The following PCDHGA12 variants were observed in gnomAD, a reference collection of about 807,000 sequenced individuals.
The protein encoded by PCDHGA12 is protocadherin gamma-A12.
A neutral mutation model predicts 61.1 loss-of-function variants in PCDHGA12; 43 were observed. The ratio of observed to expected loss-of-function variants is 0.70; its 90% CI spans 0.55 to 0.91. The LOEUF is 0.91. PCDHGA12 is among the 40% of genes least tolerant of loss of function. PCDHGA12 has a pLI of 0.00. For missense variants in PCDHGA12, 1,236 were observed against 1,227.7 expected (o/e 1.01, Z -0.10); for synonymous variants, 520 against 542.9 (o/e 0.96, Z 0.59).
chr5:141,455,856 TTTTATTA>T (rs1315325745), intron 1 of PCDHGA12, among the ~76,000 whole-genome samples: 1 of 146,240 alleles, frequency 6.8e-6, no homozygotes, highest in East Asian at 2.0e-4. Flanking sequence ...AAATAATTTC[TTTTATTA>T]TTTATTTATT....
intron 1 of PCDHGA12, among the ~76,000 whole-genome samples, chr5:141,444,312 C>G (rs2098431691): frequency 6.6e-6 from 1 of 151,856 alleles, no homozygotes; most frequent in Non-Finnish European, 1.5e-5. Flanking sequence ...GCTAGGATTA[C>G]AGGCATGTGC....
At chr5:141,460,483 C>G (rs2098990314) in intron 1 of PCDHGA12, among the ~76,000 whole-genome samples, 1 of 152,046 alleles carries the variant, frequency 6.6e-6, no homozygotes, top group African/African-American at 2.4e-5. Flanking sequence ...ATCCAATTGT[C>G]TCTTTGGAAA....
chr5:141,494,677 TGCCCCCTCTTA>T, intron 1 of PCDHGA12, 119 bp from the exon 2 acceptor site: 5 of 1,552,906 alleles, frequency 3.2e-6, no homozygotes, highest in Non-Finnish European at 4.4e-6. Flanking sequence ...AGTCCACCCC[TGCCCCCTCTTA>T]GTCCGTTTTC....
intron 3 of PCDHGA12, among the ~76,000 whole-genome samples, chr5:141,510,531 T>C (rs1459536719): frequency 6.6e-6 from 1 of 152,078 alleles, no homozygotes; most frequent in Non-Finnish European, 1.5e-5. Context: ...CTGAGAGAAA[T>C]ACCAGCGAAT....
chr5:141,454,172 C>T (rs1001368287), intron 1 of PCDHGA12, among the ~76,000 whole-genome samples: 4 of 152,126 alleles, frequency 2.6e-5, no homozygotes, highest in Non-Finnish European at 5.9e-5. Context: ...TCTAGAAGGG[C>T]AGCTAAAGGA....
In PCDHGA12 at chr5:141,486,680, T is replaced by A; in HGVS notation, c.2425-8127T>A. The A allele has an allele frequency of 6.2e-7, 1 of 1,614,102 alleles. No homozygotes were observed. Among genetic ancestry groups the A allele is most frequent in the Non-Finnish European group, 8.5e-7 (1 of 1,180,018 alleles). ...CCTGGAGCCCAGGAATCGAGATGTA[T>A]CAGCTTCCTCTTTCATCTCTCTGAA... is the stretch of plus-strand genomic sequence containing the variant. On this transcript the variant is annotated intron_variant, in intron 1 of 3. Coordinates refer to ENST00000252085, the MANE Select transcript of PCDHGA12 (RefSeq NM_003735.3). This position sits in a 1 kb window ranked among gnomAD's most constrained non-coding sequence, Gnocchi z 5.0.
rs749347013 is a variant in PCDHGA12, at chr5:141,476,739, C to G, written c.2425-18068C>G. 6.2e-7 allele frequency: 1 copy of G among 1,614,068 alleles called. No individual in the cohort carries two copies. Among genetic ancestry groups the G allele is most frequent in the South Asian group, 1.1e-5 (1 of 91,088 alleles). On this transcript the variant is annotated intron_variant, in intron 1 of 3. Transcript: ENST00000252085. The surrounding 1 kb of genome is among the most constrained non-coding windows in gnomAD (Gnocchi z 7.6). Reference sequence around the variant, plus strand: ...CGCGCCCTGGACCGAGAACGGGAGCCTAGTCTCCAGTTAGTGCTGACGGCG... The same window carrying G: ...CGCGCCCTGGACCGAGAACGGGAGCGTAGTCTCCAGTTAGTGCTGACGGCG...
At chr5:141,475,980 C>T (rs758066578) in intron 1 of PCDHGA12, 45 of 1,028,498 alleles carry the variant, frequency 4.4e-5, no homozygotes, top group Non-Finnish European at 6.2e-5. Flanking sequence ...ACTGAACAGC[C>T]GGCGAGCAAA....
rs374181150 is a variant in PCDHGA12, at chr5:141,477,134, G to C, written c.2425-17673G>C. The C allele has an allele frequency of 2.5e-5, 41 of 1,614,092 alleles. No homozygotes were observed. Among genetic ancestry groups the C allele is most frequent in the Non-Finnish European group, 3.4e-5 (40 of 1,180,056 alleles). ...CGAAGGAGCACATTGCAAAGTGTTG[G>C]TGGAGGTTGTGGATGTGAATGACAA... is the stretch of plus-strand genomic sequence containing the variant. On this transcript the variant is annotated intron_variant, in intron 1 of 3. Coordinates refer to ENST00000252085, the MANE Select transcript of PCDHGA12 (RefSeq NM_003735.3). The surrounding 1 kb of genome is among the most constrained non-coding windows in gnomAD (Gnocchi z 4.9).
chr5:141,478,497 CGGTGTTCTATAGGCA>C, intron 1 of PCDHGA12: 1 of 1,612,820 alleles, frequency 6.2e-7, no homozygotes, highest in South Asian at 1.1e-5. Flanking sequence ...AGCTGTGATC[CGGTGTTCTATAGGCA>C]GGTGTTGGGT....
In PCDHGA12 at chr5:141,489,071, CA is replaced by C; in HGVS notation, c.2425-5735del. 3.1e-6 allele frequency: 1 copy of C among 326,700 alleles called. No homozygotes were observed. Among genetic ancestry groups the C allele is most frequent in the East Asian group, 5.9e-5 (1 of 17,012 alleles). 20.2% of individuals were successfully genotyped at this position (326,700 alleles called of 1,614,324 possible). A position where few individuals can be genotyped will look rare whatever the true frequency, so the allele number is the denominator to read the frequency against. On this transcript the variant is annotated intron_variant, in intron 1 of 3. Transcript: ENST00000252085. This position sits in a 1 kb window ranked among gnomAD's most constrained non-coding sequence, Gnocchi z 4.5. Reference sequence around the variant, plus strand: ...AAATTCAGCTCCCCTCCCCCCTGCCCACCCCCGCCACTCGGTGACTAAGAAC... The same window carrying C: ...AAATTCAGCTCCCCTCCCCCCTGCCCCCCCCGCCACTCGGTGACTAAGAAC...
Position 141,432,058 on chromosome 5 carries a change from C to T in PCDHGA12, c.1299C>T (p.Ser433=), listed in dbSNP as rs2097444209. Residue 433 remains serine (S), a synonymous_variant, in exon 1 of 4, where the codon TCC becomes TCT. Coordinates refer to ENST00000252085, the MANE Select transcript of PCDHGA12 (RefSeq NM_003735.3). The surrounding 1 kb of genome is among the most constrained non-coding windows in gnomAD (Gnocchi z 6.0). ...CTGACCGGGGAACCCCGCCCCTATC[C>T]ACGGAAACTCATATCTCGCTGAACG... ...TATDRGTPPL[S]TETHISLNVA... 1 of 1,614,210 alleles carries T rather than the reference C, an allele frequency of 6.2e-7. No individual in the cohort carries two copies.
chr5:141,468,348 A>C (rs962230735), intron 1 of PCDHGA12: 2 of 150,318 alleles, frequency 1.3e-5, no homozygotes, highest in African/African-American at 4.9e-5. Context: ...AAAAAAAAAA[A>C]AGAAAGAAAA....
chr5:141,486,153 C>A lies in PCDHGA12; in HGVS notation c.2425-8654C>A, dbSNP rs1330257915. On this transcript the variant is annotated intron_variant, in intron 1 of 3. Coordinates refer to ENST00000252085, the MANE Select transcript of PCDHGA12 (RefSeq NM_003735.3). This position sits in a 1 kb window ranked among gnomAD's most constrained non-coding sequence, Gnocchi z 5.0. ...GATGTGCGGGCTCGCGATGGGGGTTCTCCAGCCATGGAGCAACATTGCAGC... is the reference window on the plus strand; with the variant it reads ...GATGTGCGGGCTCGCGATGGGGGTTATCCAGCCATGGAGCAACATTGCAGC... 6.2e-7 allele frequency: 1 copy of A among 1,614,202 alleles called. No individual in the cohort carries two copies. The highest frequency in any genetic ancestry group is 1.7e-5 in the Admixed American group (1 of 60,022).
intron 2 of PCDHGA12, among the ~76,000 whole-genome samples, chr5:141,503,334 C>T (rs2099819255): frequency 6.6e-6 from 1 of 152,072 alleles, no homozygotes; most frequent in Admixed American, 6.6e-5. Context: ...CGGTGGCTCA[C>T]GCCTGTAATT....
intron 1 of PCDHGA12, among the ~76,000 whole-genome samples, chr5:141,445,720 G>T (rs2098475440): frequency 6.6e-6 from 1 of 152,158 alleles, no homozygotes; most frequent in Non-Finnish European, 1.5e-5. Flanking sequence ...AGAGGAAATA[G>T]CATGTGTAAA....
rs994324285 is a variant in PCDHGA12 at position 141,455,094 on chromosome 5, G to A, written c.2424+21911G>A. Among the ~76,000 whole-genome samples the A allele has an allele frequency of 3.3e-5, 5 of 152,104 alleles. No individual in the cohort carries two copies. In the Middle Eastern group the frequency reaches 0.014, roughly 414 times the overall value. ...CCCAAAGTGCTGGGATTACAGGCTT[G>A]AGCCACTGCGCCCGGTGGGTCTAAT... On this transcript the variant is annotated intron_variant, in intron 1 of 3. Coordinates refer to ENST00000252085, the MANE Select transcript of PCDHGA12 (RefSeq NM_003735.3).
intron 1 of PCDHGA12, among the ~76,000 whole-genome samples, chr5:141,448,877 G>A (rs1421211206): frequency 6.6e-6 from 1 of 152,112 alleles, no homozygotes; most frequent in African/African-American, 2.4e-5. Flanking sequence ...CCTGGGAGGC[G>A]GAGCTTGCAG....
intron 1 of PCDHGA12, chr5:141,478,533 C>G: frequency 6.2e-7 from 1 of 1,608,070 alleles, no homozygotes; most frequent in African/African-American, 1.3e-5. Context: ...GCAGAGAGCG[C>G]CCCTCCCGGA....
Sources: allele counts gnomAD v4.1 joint callset (sites outside exome capture counted in the v4.1 genomes callset), GRCh38; gene constraint gnomAD v4.1.1; non-coding constraint Gnocchi (gnomAD v3.1); transcripts MANE v1.5; gene names NCBI Gene and HGNC (gene_info 2026-07-23, HGNC 2026-07-21).